GRIK4: variants seen among roughly 807,000 people sequenced by gnomAD.
The protein encoded by GRIK4 is glutamate receptor ionotropic, kainate 4.
In GRIK4, 40 loss-of-function variants were observed where a neutral mutation model predicts 104.9. That is an observed-to-expected ratio of 0.38 (90% CI 0.30 to 0.50). The LOEUF (loss-of-function observed/expected upper bound fraction) is 0.50, where lower values mean the gene tolerates loss of function less well. GRIK4 is among the 20% of genes least tolerant of loss of function. The pLI is 0.93. For missense variants in GRIK4, 1,047 were observed against 1,308.1 expected (o/e 0.80, Z 3.08); for synonymous variants, 485 against 524.9 (o/e 0.92, Z 1.04).
chr11:120,807,847 T>C (rs1033134523), intron 4 of GRIK4, among the ~76,000 whole-genome samples: 3 of 151,880 alleles, frequency 2.0e-5, no homozygotes, highest in African/African-American at 7.3e-5. Context: ...GAAACTGAGG[T>C]TCAAGATCTT....
intron 8 of GRIK4, among the ~76,000 whole-genome samples, chr11:120,852,399 G>T (rs1189157482): frequency 2.6e-5 from 4 of 152,202 alleles, no homozygotes; most frequent in Non-Finnish European, 5.9e-5. Context: ...GCAAGTGTAG[G>T]ATATAGTGAA....
At chr11:120,928,847 G>A (rs938892214) in intron 13 of GRIK4, among the ~76,000 whole-genome samples, 5 of 152,160 alleles carry the variant, frequency 3.3e-5, no homozygotes, top group Non-Finnish European at 7.3e-5. Flanking sequence ...CACTTTCCCA[G>A]GAATGCTAAT....
chr11:120,727,068 A>G (rs1411505664), intron 3 of GRIK4, among the ~76,000 whole-genome samples: 2 of 152,192 alleles, frequency 1.3e-5, no homozygotes, highest in African/African-American at 4.8e-5. Context: ...GAGAACCACA[A>G]ACTAGCAACA....
chr11:120,841,178 C>T (rs1953704886), intron 8 of GRIK4, among the ~76,000 whole-genome samples: 1 of 152,116 alleles, frequency 6.6e-6, no homozygotes, highest in African/African-American at 2.4e-5. Flanking sequence ...AGTACATCCA[C>T]ATTGTTATGC....
At chr11:120,879,923 C>G (rs372877020) in intron 11 of GRIK4, among the ~76,000 whole-genome samples, 3 of 152,304 alleles carry the variant, frequency 2.0e-5, no homozygotes, top group East Asian at 1.9e-4. Context: ...ATCATAAGGC[C>G]CTTAATATCC....
chr11:120,607,434 G>A (rs1948976764), intron 1 of GRIK4, among the ~76,000 whole-genome samples: 2 of 152,224 alleles, frequency 1.3e-5, no homozygotes, highest in Non-Finnish European at 2.9e-5. Flanking sequence ...CTTGGGGAAG[G>A]GGCTGGGGCA....
chr11:120,688,750 G>A (rs1023046992), intron 3 of GRIK4, among the ~76,000 whole-genome samples: 1 of 152,198 alleles, frequency 6.6e-6, no homozygotes, highest in Non-Finnish European at 1.5e-5. Flanking sequence ...AGTCAAGGAT[G>A]CTTTACATTG....
intron 1 of GRIK4, among the ~76,000 whole-genome samples, chr11:120,616,122 C>T (rs1283851559): frequency 6.6e-6 from 1 of 152,106 alleles, no homozygotes; most frequent in South Asian, 2.1e-4. Flanking sequence ...CATAAAATCC[C>T]TGGCCTTACA....
intron 14 of GRIK4, among the ~76,000 whole-genome samples, chr11:120,944,907 G>A (rs1943820033): frequency 7.0e-6 from 1 of 142,134 alleles, no homozygotes; most frequent in African/African-American, 2.5e-5. Context: ...AGCAGTGCCT[G>A]ACATATACAC....
chr11:120,769,640 G>A (rs1353498085), intron 3 of GRIK4, among the ~76,000 whole-genome samples: 1 of 152,214 alleles, frequency 6.6e-6, no homozygotes, highest in Non-Finnish European at 1.5e-5. Flanking sequence ...GCTAGATTTA[G>A]CAGATCATAG....
chr11:120,889,325 C>CT (rs1955207485), intron 11 of GRIK4, among the ~76,000 whole-genome samples: 2 of 152,158 alleles, frequency 1.3e-5, no homozygotes, highest in South Asian at 4.1e-4. Context: ...CTTTGAAACT[C>CT]TAACAATCTC....
At chr11:120,525,863 C>T (rs180692368) in intron 1 of GRIK4, among the ~76,000 whole-genome samples, 39 of 152,130 alleles carry the variant, frequency 2.6e-4, no homozygotes, top group South Asian at 6.2e-4. Context: ...CACTGTGCGG[C>T]GTTGGACAAG....
chr11:120,766,086 A>G (rs1951834095), intron 3 of GRIK4, among the ~76,000 whole-genome samples: 1 of 152,184 alleles, frequency 6.6e-6, no homozygotes, highest in Non-Finnish European at 1.5e-5. Context: ...TGTCCCAGGG[A>G]GATGGGAGTT....
chr11:120,856,327 T>C (rs1435020191), intron 8 of GRIK4, among the ~76,000 whole-genome samples: 2 of 152,186 alleles, frequency 1.3e-5, no homozygotes, highest in African/African-American at 4.8e-5. Context: ...CATTGCACAA[T>C]GTGGCACCAA....
At chr11:120,634,093 G>A (rs569132866) in intron 1 of GRIK4, among the ~76,000 whole-genome samples, 12 of 152,228 alleles carry the variant, frequency 7.9e-5, no homozygotes, top group Admixed American at 7.8e-4. Flanking sequence ...TCTAAAATGG[G>A]GCTCTTTAGA....
intron 16 of GRIK4, among the ~76,000 whole-genome samples, chr11:120,959,411 A>C (rs1319716904): frequency 6.6e-6 from 1 of 151,818 alleles, no homozygotes; most frequent in Non-Finnish European, 1.5e-5. Context: ...GCTGCTCTTG[A>C]AAATCTACAC....
At chr11:120,701,300 A>G (rs573586444) in intron 3 of GRIK4, among the ~76,000 whole-genome samples, 6 of 152,270 alleles carry the variant, frequency 3.9e-5, no homozygotes, top group East Asian at 1.9e-4. Flanking sequence ...ATGCCCACTC[A>G]TAATAACCAT....
At chr11:120,962,813 G>T in intron 18 of GRIK4, 132 bp downstream of exon 18, 1 of 531,078 alleles carries the variant, frequency 1.9e-6, no homozygotes. Flanking sequence ...CTTTACGTGG[G>T]CATTCTAAAG....
chr11:120,702,239 C>T (rs562042519), intron 3 of GRIK4, among the ~76,000 whole-genome samples: 123 of 151,714 alleles, frequency 8.1e-4, no homozygotes, highest in Non-Finnish European at 1.3e-3. Context: ...CAGGCGTGAG[C>T]CACTGCGCCT....
Sources: allele counts gnomAD v4.1 joint callset (sites outside exome capture counted in the v4.1 genomes callset), GRCh38; gene constraint gnomAD v4.1.1; transcripts MANE v1.5; gene names NCBI Gene and HGNC (gene_info 2026-07-23, HGNC 2026-07-21).